Variants in VPS13A observed in about 807,000 individuals in gnomAD.
VPS13A encodes the protein vacuolar protein sorting 13 homolog A.
Under a neutral mutation model 390.9 loss-of-function variants are expected in VPS13A, and 264 were observed. The ratio of observed to expected loss-of-function variants is 0.68; its 90% CI spans 0.61 to 0.75. VPS13A has a LOEUF of 0.75. VPS13A is among the 30% of genes least tolerant of loss of function. The pLI, the probability that VPS13A is intolerant of heterozygous loss-of-function variation, is 0.00. For synonymous variants in VPS13A, 1,231 were observed against 1,227.1 expected, an observed-to-expected ratio of 1.00 and a Z score of -0.07; for missense variants, 3,409 against 3,733.9, an observed-to-expected ratio of 0.91 and a Z score of 2.27.
intron 9 of VPS13A, 136 bp downstream of exon 9, chr9:77,213,450 T>G (rs1423235512): frequency 9.9e-6 from 7 of 707,776 alleles, no homozygotes; most frequent in Non-Finnish European, 1.7e-5. Context: ...CAGATACAGG[T>G]GAAGATGTGT....
At chr9:77,407,689 G>GTTTTGTTTGGGGGT in intron 71 of VPS13A, 82 bp downstream of exon 71, 2 of 1,108,308 alleles carry the variant, frequency 1.8e-6, no homozygotes, top group South Asian at 2.7e-5. Flanking sequence ...ATGCAGATAA[G>GTTTTGTTTGGGGGT]TTTTGTTTGG....
Position 77,225,941 on chromosome 9 carries a change from T to C in VPS13A, c.1177T>C (p.Leu393=), listed in dbSNP as rs1476320753. 6.2e-7 allele frequency: 1 copy of C among 1,611,858 alleles called. No homozygotes were observed. The highest frequency in any genetic ancestry group is 1.3e-5 in the African/African-American group (1 of 74,850). The change falls in exon 14 of 72, where the codon TTG becomes CTG. Residue 393 remains leucine, a synonymous_variant. Transcript: ENST00000360280. ...LVSLEELEKT[L]DVFNITIARQ... ...TATTTTTCAGGAGTTGGAAAAAACC[T>C]TGGATGTCTTTAATATAACTATAGC...
At chr9:77,313,333 G>A (rs1454207554) in intron 35 of VPS13A, among the ~76,000 whole-genome samples, 3 of 152,104 alleles carry the variant, frequency 2.0e-5, no homozygotes, top group African/African-American at 2.4e-5. Flanking sequence ...TTGAAGTAGT[G>A]ACTATGTGGA....
intron 1 of VPS13A, among the ~76,000 whole-genome samples, chr9:77,193,311 T>G (rs1361153124): frequency 6.6e-6 from 1 of 151,820 alleles, no homozygotes; most frequent in African/African-American, 2.4e-5. Flanking sequence ...ATCTTCTGAG[T>G]TTTATGCCCA....
rs373399887 is a variant in VPS13A, at chr9:77,371,021, T to C, written c.8954-5T>C. 3.7e-6 allele frequency: 6 copies of C among 1,614,054 alleles called. No individual in the cohort carries two copies. The highest frequency in any genetic ancestry group is 5.1e-6 in the Non-Finnish European group (6 of 1,180,018). ...CAATTGTCAAAAACTCTTTTTTCTT[T>C]CCAGGAGCTCAAAAAGGAGGAGCAG... On this transcript the variant is annotated splice_polypyrimidine_tract_variant and splice_region_variant and intron_variant, in intron 66 of 71. Coordinates refer to ENST00000360280, the MANE Select transcript of VPS13A (RefSeq NM_033305.3).
Position 77,275,545 on chromosome 9 carries a change from C to G in VPS13A, c.2560C>G (p.Pro854Ala), listed in dbSNP as rs1465713691. Reference protein sequence around the residue: ...FDAPCSPLEEPLQFPTGVKSI... With the variant: ...FDAPCSPLEEALQFPTGVKSI... Reference sequence around the variant, plus strand: ...TGCACCATGTAGTCCCTTGGAAGAACCTCTTCAGTTTCCAACTGGAGTTAA... The same window carrying G: ...TGCACCATGTAGTCCCTTGGAAGAAGCTCTTCAGTTTCCAACTGGAGTTAA... Residue 854 changes from proline to alanine, a missense_variant, in exon 25 of 72, where the codon CCT (proline) becomes GCT (alanine). By Grantham distance (27) the Pro-to-Ala change is conservative. This residue lies in a region of VPS13A where 2,717 missense variants were observed against 2,917.4 expected (regional missense o/e 0.93). Transcript: ENST00000360280. 6.2e-7 allele frequency: 1 copy of G among 1,613,732 alleles called. No homozygotes were observed. The highest frequency in any genetic ancestry group is 8.5e-7 in the Non-Finnish European group (1 of 1,179,780).
Position 77,363,405 on chromosome 9 carries a change from T to A in VPS13A, c.8212-2055T>A, listed in dbSNP as rs1214189666. The stretch of plus-strand genomic sequence containing the variant: ...TATTACATTAATTTTTTTTTTTTTA[T>A]TTTTTTTTTTTTTTGAGACCTAGGC... On this transcript the variant is annotated intron_variant, in intron 59 of 71. Coordinates refer to ENST00000360280, the MANE Select transcript of VPS13A (RefSeq NM_033305.3). 3.5e-3 allele frequency among the ~76,000 whole-genome samples: 69 copies of A among 19,980 alleles called. No individual in the cohort carries two copies. In the African/African-American group the frequency reaches 0.037, roughly 11 times the overall value. The allele number at this position is 19,980 out of a possible 152,430, so 13.1% of individuals were successfully genotyped here. A position where few individuals can be genotyped will look rare whatever the true frequency, so the allele number is the denominator to read the frequency against.
At position 77,226,544 on chromosome 9, in the gene VPS13A, T is replaced by C. The variant is rs550188251; in HGVS notation, c.1303T>C (p.Trp435Arg). 8 of 1,613,298 alleles carry C rather than the reference T, an allele frequency of 5.0e-6. No homozygotes were observed. Among genetic ancestry groups the C allele is most frequent in the Non-Finnish European group, 6.8e-6 (8 of 1,179,500 alleles). ...TAATAAAGGGTGGTTTAGCTGGCTA[T>C]GGTCTTGGTCAGAACAAAATACTAA... ...EDNKGWFSWLWSWSEQNTNEQ... is the reference protein window; with the variant it reads ...EDNKGWFSWLRSWSEQNTNEQ... Residue 435 changes from tryptophan to arginine, a missense_variant, in exon 15 of 72, where the codon TGG (tryptophan) becomes CGG (arginine). Coordinates refer to ENST00000360280, the MANE Select transcript of VPS13A (RefSeq NM_033305.3).
At position 77,209,481 on chromosome 9, in the gene VPS13A, A is replaced by G; in HGVS notation, c.444A>G (p.Ile148Met). 1.2e-6 allele frequency: 2 copies of G among 1,612,400 alleles called. No homozygotes were observed. Among genetic ancestry groups the G allele is most frequent in the Non-Finnish European group, 1.7e-6 (2 of 1,179,042 alleles). Reference protein sequence around the residue: ...TFAEKLVTQIIKNLQVKISSI... With the variant: ...TFAEKLVTQIMKNLQVKISSI... Reference sequence around the variant, plus strand: ...CAGAAAAATTAGTTACACAGATCATAAAAAATCTTCAGGTGAAAATTTCCA... The same window carrying G: ...CAGAAAAATTAGTTACACAGATCATGAAAAATCTTCAGGTGAAAATTTCCA... The change falls in exon 6 of 72, where the codon ATA (isoleucine) becomes ATG (methionine). Residue 148 changes from isoleucine (I) to methionine (M), a missense_variant. This residue lies in a region of VPS13A where 2,717 missense variants were observed against 2,917.4 expected (regional missense o/e 0.93). Coordinates refer to ENST00000360280, the MANE Select transcript of VPS13A (RefSeq NM_033305.3).
intron 21 of VPS13A, among the ~76,000 whole-genome samples, chr9:77,250,851 T>G (rs892435761): frequency 6.6e-6 from 1 of 152,314 alleles, no homozygotes; most frequent in Non-Finnish European, 1.5e-5. Flanking sequence ...TTTAAGTAGT[T>G]AGGGAGAGAC....
At chr9:77,317,800 A>G in intron 40 of VPS13A, 102 bp downstream of exon 40, 1 of 786,116 alleles carries the variant, frequency 1.3e-6, no homozygotes. Flanking sequence ...TGCAAACAAA[A>G]TAGGTGTGTT....
At chr9:77,306,364 T>A (rs1303013102) in intron 34 of VPS13A, among the ~76,000 whole-genome samples, 1 of 151,496 alleles carries the variant, frequency 6.6e-6, no homozygotes, top group Non-Finnish European at 1.5e-5. Context: ...TTACATTATT[T>A]CTGTTGTGTT....
intron 4 of VPS13A, among the ~76,000 whole-genome samples, chr9:77,205,682 C>G (rs1265604605): frequency 6.6e-6 from 1 of 151,964 alleles, no homozygotes; most frequent in Non-Finnish European, 1.5e-5. Flanking sequence ...ACCTCTGCCT[C>G]CTGGGTTCAA....
chr9:77,309,120 GATAAT>G (rs1202330506), intron 35 of VPS13A, among the ~76,000 whole-genome samples: 2 of 152,118 alleles, frequency 1.3e-5, no homozygotes, highest in African/African-American at 4.8e-5. Context: ...ATTTTGAGAA[GATAAT>G]ATAAGAAATG....
chr9:77,184,641 G>A (rs996891128), intron 1 of VPS13A, among the ~76,000 whole-genome samples: 1 of 152,090 alleles, frequency 6.6e-6, no homozygotes, highest in African/African-American at 2.4e-5. Context: ...ACAAAAGAAT[G>A]CTGGATTTTG....
intron 17 of VPS13A, among the ~76,000 whole-genome samples, chr9:77,236,368 C>A (rs548304600): frequency 6.6e-6 from 1 of 152,204 alleles, no homozygotes; most frequent in African/African-American, 2.4e-5. Context: ...TAATGCTAGT[C>A]TTCCCTTTTC....
At chr9:77,297,606 A>T (rs1050581903) in intron 33 of VPS13A, among the ~76,000 whole-genome samples, 2 of 151,324 alleles carry the variant, frequency 1.3e-5, no homozygotes, top group African/African-American at 2.4e-5. Context: ...TTCAAGCAGG[A>T]GTGTTAAACC....
chr9:77,420,625 G>GATAGATATCACACTGCTATGATA lies in VPS13A; in HGVS notation c.*4620_*4642dup, dbSNP rs1835312766. The GATAGATATCACACTGCTATGATA allele has an allele frequency of 2.6e-5, 4 of 152,092 alleles. No individual in the cohort carries two copies. Among genetic ancestry groups the GATAGATATCACACTGCTATGATA allele is most frequent in the Non-Finnish European group, 5.9e-5 (4 of 68,020 alleles). The allele number at this position is 152,092 out of a possible 1,614,324, so 9.4% of individuals were successfully genotyped here. On this transcript the variant is annotated 3_prime_UTR_variant, in exon 72 of 72. Coordinates refer to ENST00000360280, the MANE Select transcript of VPS13A (RefSeq NM_033305.3). ...ATTATAGTTTAACACCTGCTATGAT[G>GATAGATATCACACTGCTATGATA]ATAGATATCACACTGCTATGATAGA...
In VPS13A at chr9:77,250,160, A is replaced by T; in HGVS notation, c.2101A>T (p.Ile701Leu). The T allele has an allele frequency of 6.2e-7, 1 of 1,613,944 alleles. No individual in the cohort carries two copies. The highest frequency in any genetic ancestry group is 8.5e-7 in the Non-Finnish European group (1 of 1,179,934). ...VKQGEANLKE[I>L]MDRAYDSFDI... is the part of the protein sequence containing the mutation. ...ACAAGGTGAGGCCAATCTTAAAGAG[A>T]TAATGGATAGAGCTTATGATTCATT... The change falls in exon 21 of 72, where the codon ATA becomes TTA. Residue 701 changes from isoleucine to leucine, a missense_variant. Physicochemically the swap from Ile to Leu is conservative, Grantham distance 5. Coordinates refer to ENST00000360280, the MANE Select transcript of VPS13A (RefSeq NM_033305.3).
Sources: allele counts gnomAD v4.1 joint callset (sites outside exome capture counted in the v4.1 genomes callset), GRCh38; gene constraint gnomAD v4.1.1; regional missense constraint gnomAD v4.1.1; transcripts MANE v1.5; gene names NCBI Gene and HGNC (gene_info 2026-07-23, HGNC 2026-07-21).